Variants in UNC79 observed in about 807,000 individuals in gnomAD.
UNC79 encodes the protein unc-79 subunit of NALCN channel complex.
Under a neutral mutation model 283.1 loss-of-function variants are expected in UNC79, and 37 were observed. The observed-to-expected ratio is 0.13, with a 90% CI of 0.10 to 0.17. The LOEUF (loss-of-function observed/expected upper bound fraction) is 0.17. Among genes scored for constraint, UNC79 ranks in the 10% least tolerant of loss-of-function variants. The probability of loss-of-function intolerance (pLI) is 1.00; values close to 1 mark genes in which losing one functional copy is unlikely to be tolerated. For synonymous variants in UNC79, 1,107 were observed against 1,200.2 expected, an observed-to-expected ratio of 0.92 and a Z score of 1.61; for missense variants, 2,272 against 3,211.1, an observed-to-expected ratio of 0.71 and a Z score of 7.07.
intron 38 of UNC79, 135 bp downstream of exon 41, chr14:93,655,542 G>T: frequency 9.5e-7 from 1 of 1,054,700 alleles, no homozygotes; most frequent in East Asian, 2.5e-5. Flanking sequence ...CATGGAGTGA[G>T]GATGCTTATT....
At chr14:93,364,261 G>A (rs1338761985) in intron 1 of UNC79, among the ~76,000 whole-genome samples, 3 of 152,046 alleles carry the variant, frequency 2.0e-5, no homozygotes, top group Non-Finnish European at 4.4e-5. Context: ...CTATTCATTA[G>A]CCCCCTAAAG....
chr14:93,660,563 A>ATGTGTG lies in UNC79; in HGVS notation c.6525+1314_6525+1319dup, dbSNP rs1555394962. ...TATATATATATATATATATATATAT[A>ATGTGTG]TGTGTGTGTGTGTGTGTTCATTTTA... is the stretch of plus-strand genomic sequence containing the variant. On this transcript the variant is annotated intron_variant, in intron 39 of 48. Coordinates refer to ENST00000555664, the Ensembl canonical transcript of UNC79. Among the ~76,000 whole-genome samples the ATGTGTG allele has an allele frequency of 1.9e-3, 121 of 64,658 alleles. 1 individual carries two copies. Among genetic ancestry groups the ATGTGTG allele is most frequent in the Middle Eastern group, 0.018 (2 of 110 alleles). The allele number at this position is 64,658 out of a possible 152,430, so 42.4% of individuals were successfully genotyped here.
chr14:93,358,132 C>A (rs183545501), intron 1 of UNC79, among the ~76,000 whole-genome samples: 1 of 151,664 alleles, frequency 6.6e-6, no homozygotes, highest in Non-Finnish European at 1.5e-5. Flanking sequence ...TATGATTAGA[C>A]CCCATAATGG....
chr14:93,496,099 G>GT (rs2059002201), intron 5 of UNC79, among the ~76,000 whole-genome samples: 1 of 151,930 alleles, frequency 6.6e-6, no homozygotes, highest in Non-Finnish European at 1.5e-5. Flanking sequence ...TGTTGGGCTA[G>GT]TTTTTTTTCT....
chr14:93,606,024 A>G (rs1020725703), intron 26 of UNC79, among the ~76,000 whole-genome samples: 1 of 152,258 alleles, frequency 6.6e-6, no homozygotes, highest in Non-Finnish European at 1.5e-5. Context: ...CATTAGAAAT[A>G]TGAAATCCAT....
upstream of UNC79, among the ~76,000 whole-genome samples, chr14:93,426,464 AT>A (rs2055728803): frequency 6.6e-6 from 1 of 150,574 alleles, no homozygotes; most frequent in Non-Finnish European, 1.5e-5. Flanking sequence ...TATTATTAGT[AT>A]TTTTATCCTC....
At chr14:93,564,401 T>C (rs886283470) in intron 14 of UNC79, among the ~76,000 whole-genome samples, 2 of 152,144 alleles carry the variant, frequency 1.3e-5, no homozygotes, top group African/African-American at 4.8e-5. Flanking sequence ...TTGGACATGA[T>C]CGGCAGGGAG....
chr14:93,705,390 C>A (rs1309590325), intron 48 of UNC79, among the ~76,000 whole-genome samples: 1 of 150,030 alleles, frequency 6.7e-6, no homozygotes, highest in Non-Finnish European at 1.5e-5. Context: ...AGCATACCGA[C>A]CCCTTGGAGG....
intron 1 of UNC79, among the ~76,000 whole-genome samples, chr14:93,455,896 C>A (rs1361637693): frequency 6.7e-6 from 1 of 148,868 alleles, no homozygotes; most frequent in Non-Finnish European, 1.5e-5. Flanking sequence ...TTTGTTTTTC[C>A]CATCAGTACA....
intron 41 of UNC79, among the ~76,000 whole-genome samples, chr14:93,675,778 A>C (rs187504922): frequency 2.0e-4 from 31 of 152,364 alleles, no homozygotes; most frequent in Non-Finnish European, 4.4e-5. Flanking sequence ...TTTCTAGGAC[A>C]CATTGAACTC....
intron 14 of UNC79, among the ~76,000 whole-genome samples, chr14:93,557,597 A>G (rs557506901): frequency 1.3e-5 from 2 of 152,280 alleles, no homozygotes; most frequent in South Asian, 2.1e-4. Context: ...AGAAAATCAC[A>G]AGCTGCCTGA....
At chr14:93,696,229 G>A (rs147118838) in intron 47 of UNC79, among the ~76,000 whole-genome samples, 3,742 of 152,134 alleles carry the variant, frequency 0.025, 67 homozygotes, top group Non-Finnish European at 0.039. Context: ...ACATCTAGGG[G>A]GTTTCCAGTT....
chr14:93,377,330 G>A (rs895565260), intron 1 of UNC79, among the ~76,000 whole-genome samples: 3 of 151,944 alleles, frequency 2.0e-5, no homozygotes, highest in African/African-American at 4.8e-5. Flanking sequence ...TCCTAACCTC[G>A]TGATCCACCC....
intron 47 of UNC79, among the ~76,000 whole-genome samples, chr14:93,698,486 T>TTTG: frequency 9.6e-6 from 1 of 104,270 alleles, no homozygotes; most frequent in African/African-American, 4.3e-5. Flanking sequence ...GTTTTTTTTT[T>TTTG]TTTTTTTTTT....
rs148760605 is a variant in UNC79, at chr14:93,562,701, T to C, written c.1756-9193T>C. ...AAGGCCGGTCCATTATCGGACTCTATAGAGGTGGGAAGGCCAAACCGAGGA... is the reference window on the plus strand; with the variant it reads ...AAGGCCGGTCCATTATCGGACTCTACAGAGGTGGGAAGGCCAAACCGAGGA... On this transcript the variant is annotated intron_variant, in intron 14 of 48. Coordinates refer to ENST00000555664, the Ensembl canonical transcript of UNC79. Among the ~76,000 whole-genome samples, 289 of 152,206 alleles carry C rather than the reference T, an allele frequency of 1.9e-3. 1 individual carries two copies. The highest frequency in any genetic ancestry group is 6.4e-3 in the African/African-American group (267 of 41,530).
intron 34 of UNC79, among the ~76,000 whole-genome samples, chr14:93,645,881 A>G (rs2069544797): frequency 1.3e-5 from 2 of 152,070 alleles, no homozygotes. Flanking sequence ...ATTCTTCTCT[A>G]AGTGGGGTCT....
intron 4 of UNC79, among the ~76,000 whole-genome samples, chr14:93,478,132 TA>T (rs1211540895): frequency 6.6e-6 from 1 of 152,198 alleles, no homozygotes; most frequent in Non-Finnish European, 1.5e-5. Context: ...TCAGGATGTG[TA>T]AATTCTGGTC....
At chr14:93,387,743 C>T (rs2054808065) in intron 1 of UNC79, among the ~76,000 whole-genome samples, 1 of 152,188 alleles carries the variant, frequency 6.6e-6, no homozygotes. Context: ...CTGTAAATCT[C>T]TATTAGCTCC....
At chr14:93,568,355 AT>A (rs1465574962) in intron 14 of UNC79, among the ~76,000 whole-genome samples, 1 of 152,018 alleles carries the variant, frequency 6.6e-6, no homozygotes, top group Admixed American at 6.6e-5. Flanking sequence ...TAGAGACCTT[AT>A]AACTTTCAAA....
Sources: gnomAD v4.1 joint callset for allele counts (sites outside exome capture counted in the v4.1 genomes callset) on GRCh38, gnomAD v4.1.1 for gene constraint, MANE v1.5 for transcripts, NCBI Gene and HGNC (gene_info 2026-07-23, HGNC 2026-07-21) for gene names.